The following CEPT1 variants were observed in gnomAD, a reference collection of about 807,000 sequenced individuals.
CEPT1 encodes choline/ethanolamine phosphotransferase 1, also known as choline/ethanolaminephosphotransferase 1.
CEPT1 carries 7 observed loss-of-function variants against 42.6 expected under a neutral mutation model. The ratio of observed to expected loss-of-function variants is 0.16; its 90% CI spans 0.09 to 0.31. The LOEUF (loss-of-function observed/expected upper bound fraction) is 0.31. Among genes scored for constraint, CEPT1 ranks in the 10% least tolerant of loss-of-function variants. The pLI is 1.00. For synonymous variants in CEPT1, 171 were observed against 171.9 expected, an observed-to-expected ratio of 0.99 and a Z score of 0.04; for missense variants, 306 against 502.1, an observed-to-expected ratio of 0.61 and a Z score of 3.73.
chr1:111,159,688 G>A lies in CEPT1; in HGVS notation c.487+161G>A. ...ACCTAGTTAATATTTGTTCATTATT[G>A]GTAGTGTTAGGAAATTTAGAAATTA... On this transcript the variant is annotated intron_variant, in intron 3 of 8. Coordinates refer to ENST00000357172, the MANE Select transcript of CEPT1 (RefSeq NM_006090.5). The A allele has an allele frequency of 6.0e-6, 3 of 497,286 alleles. No individual in the cohort carries two copies. In the South Asian group the frequency reaches 1.1e-4, roughly 18 times the overall value. 30.8% of individuals were successfully genotyped at this position (497,286 alleles called of 1,614,324 possible).
At chr1:111,175,114 A>G in intron 5 of CEPT1, 151 bp downstream of exon 5, 2 of 618,182 alleles carry the variant, frequency 3.2e-6, no homozygotes, top group Non-Finnish European at 5.9e-6. Flanking sequence ...GAGGATGGTG[A>G]ATTTTACTAC....
In CEPT1 at chr1:111,156,569, G is replaced by A. The variant is rs1276567885; in HGVS notation, c.340-2811G>A. On this transcript the variant is annotated intron_variant, in intron 2 of 8. Coordinates refer to ENST00000357172, the MANE Select transcript of CEPT1 (RefSeq NM_006090.5). ...AAACACTAACGATAGCTGATGAGCG[G>A]GGAAAAAAAAATCTTATAATGTTTT... Among the ~76,000 whole-genome samples the A allele has an allele frequency of 2.0e-5, 3 of 152,058 alleles. No homozygotes were observed. The East Asian group carries it at 5.8e-4, about 29-fold the overall frequency.
intron 4 of CEPT1, chr1:111,167,633 A>G (rs1656203348): frequency 3.1e-6 from 3 of 979,376 alleles, no homozygotes; most frequent in East Asian, 1.1e-4. Flanking sequence ...TCTTTAGCAT[A>G]TACTTTAAGC....
intron 2 of CEPT1, among the ~76,000 whole-genome samples, chr1:111,152,622 A>G (rs930349593): frequency 6.6e-6 from 1 of 152,294 alleles, no homozygotes; most frequent in African/African-American, 2.4e-5. Context: ...AGGCAAACAT[A>G]GGAATAATAA....
At chr1:111,154,106 GTCC>G (rs1476895704) in intron 2 of CEPT1, among the ~76,000 whole-genome samples, 4 of 151,818 alleles carry the variant, frequency 2.6e-5, no homozygotes, top group African/African-American at 7.2e-5. Flanking sequence ...TTGTGTATAT[GTCC>G]TCCTCAGTTT....
At chr1:111,143,143 G>A (rs17026961) in intron 1 of CEPT1, among the ~76,000 whole-genome samples, 5,472 of 152,280 alleles carry the variant, frequency 0.036, 166 homozygotes, top group East Asian at 0.15. Context: ...TGACAACTCT[G>A]CGTTAATTCT....
At chr1:111,153,327 A>G (rs746788962) in intron 2 of CEPT1, among the ~76,000 whole-genome samples, 35 of 152,038 alleles carry the variant, frequency 2.3e-4, no homozygotes, top group East Asian at 3.9e-4. Context: ...TCCTGCCTCA[A>G]CCTCCCAAGT....
chr1:111,143,263 A>C (rs1654761789), intron 1 of CEPT1, among the ~76,000 whole-genome samples: 2 of 151,954 alleles, frequency 1.3e-5, no homozygotes, highest in South Asian at 4.2e-4. Flanking sequence ...GGCGTGTTCC[A>C]TTTTCTTGGA....
chr1:111,174,519 A>G (rs764849823), intron 4 of CEPT1, among the ~76,000 whole-genome samples: 5 of 152,088 alleles, frequency 3.3e-5, no homozygotes, highest in African/African-American at 4.8e-5. Context: ...TTCATATTTT[A>G]TAACAGTGCA....
intron 4 of CEPT1, among the ~76,000 whole-genome samples, chr1:111,168,298 GTTTA>G (rs749580265): frequency 2.0e-5 from 3 of 151,940 alleles, no homozygotes; most frequent in Non-Finnish European, 4.4e-5. Context: ...CTTAGATTCA[GTTTA>G]TTTGGCAGTT....
rs140174863 is a variant in CEPT1 at position 111,166,662 on chromosome 1, G to T, written c.629+5366G>T. Among the ~76,000 whole-genome samples, 429 of 152,282 alleles carry T rather than the reference G, an allele frequency of 2.8e-3. 5 individuals are homozygous for T. The highest frequency in any genetic ancestry group is 9.9e-3 in the African/African-American group (412 of 41,560). On this transcript the variant is annotated intron_variant, in intron 4 of 8. Transcript: ENST00000357172. ...TGGTGAGGCTTGGGACAGGGAAGGA[G>T]CGTAAGATGGATTAGTGTTTTTTCA...
intron 4 of CEPT1, among the ~76,000 whole-genome samples, chr1:111,171,829 A>G (rs922327902): frequency 6.6e-6 from 1 of 152,272 alleles, no homozygotes; most frequent in East Asian, 1.9e-4. Context: ...ACCTCTGCCT[A>G]CCTGGTTCAA....
intron 4 of CEPT1, 27 bp from the exon 5 acceptor site, chr1:111,174,852 C>T: frequency 7.2e-7 from 1 of 1,397,890 alleles, no homozygotes; most frequent in Non-Finnish European, 1.0e-6. Flanking sequence ...ACTAATTCTG[C>T]TCTTTTGGCT....
At chr1:111,181,561 A>G (rs976005484) in intron 5 of CEPT1, 11 of 152,230 alleles carry the variant, frequency 7.2e-5, no homozygotes, top group Admixed American at 3.9e-4. Flanking sequence ...TATGCACAAT[A>G]GTAGAATCTG....
At chr1:111,151,828 C>G (rs892021952) in intron 2 of CEPT1, among the ~76,000 whole-genome samples, 1 of 152,128 alleles carries the variant, frequency 6.6e-6, no homozygotes, top group African/African-American at 2.4e-5. Flanking sequence ...AAAATATGAC[C>G]AAGAAACATG....
At chr1:111,178,357 G>T (rs1205566454) in intron 5 of CEPT1, 1 of 152,022 alleles carries the variant, frequency 6.6e-6, no homozygotes, top group African/African-American at 2.4e-5. Flanking sequence ...AAAGGTAAGT[G>T]ATTTGCATCT....
intron 4 of CEPT1, 46 bp downstream of exon 4, chr1:111,161,342 G>T (rs1228487117): frequency 2.8e-5 from 42 of 1,524,322 alleles, no homozygotes; most frequent in Non-Finnish European, 3.7e-5. Flanking sequence ...TTCACATATG[G>T]AGAATGTTGC....
chr1:111,149,007 ATCT>A (rs1293928411), intron 2 of CEPT1, among the ~76,000 whole-genome samples: 1 of 152,056 alleles, frequency 6.6e-6, no homozygotes, highest in Admixed American at 6.5e-5. Context: ...TTTTTAAGTA[ATCT>A]TCTCAGATTA....
chr1:111,172,274 G>GT (rs1193961323), intron 4 of CEPT1, among the ~76,000 whole-genome samples: 4 of 151,686 alleles, frequency 2.6e-5, no homozygotes, highest in East Asian at 1.9e-4. Flanking sequence ...GTTTTTTGTT[G>GT]TTTTTTTCTT....
Sources: gnomAD v4.1 joint callset for allele counts (sites outside exome capture counted in the v4.1 genomes callset) on GRCh38, gnomAD v4.1.1 for gene constraint, MANE v1.5 for transcripts, NCBI Gene and HGNC (gene_info 2026-07-23, HGNC 2026-07-21) for gene names.